The following REEP5 variants were observed in gnomAD, a reference collection of about 807,000 sequenced individuals.
REEP5 encodes receptor accessory protein 5.
Under a neutral mutation model 22.4 loss-of-function variants are expected in REEP5, and 24 were observed. The observed-to-expected ratio is 1.07, with a 90% CI of 0.78 to 1.51. REEP5 has a LOEUF of 1.51. REEP5 is among the 40% of genes most tolerant of loss of function. The pLI is 0.00. For synonymous variants in REEP5, 103 were observed against 88.6 expected (o/e 1.16, Z -0.92); for missense variants, 252 against 233.0 (o/e 1.08, Z -0.53).
At position 112,914,668 on chromosome 5, in the gene REEP5, C is replaced by G. The variant is rs145648615; in HGVS notation, c.212+6495G>C. Among the ~76,000 whole-genome samples, 1,133 of 152,242 alleles carry G rather than the reference C, an allele frequency of 7.4e-3. 12 individuals are homozygous for G. The highest frequency in any genetic ancestry group is 0.026 in the African/African-American group (1,063 of 41,530). On this transcript the variant is annotated intron_variant, in intron 2 of 4. Coordinates refer to ENST00000379638, the MANE Select transcript of REEP5 (RefSeq NM_005669.5). ...AGTTTAACTTAATCTCAAGTAACCTCACAACTTAGAAGGGGAACAACCTAA... is the reference window on the plus strand; with the variant it reads ...AGTTTAACTTAATCTCAAGTAACCTGACAACTTAGAAGGGGAACAACCTAA...
At position 112,876,928 on chromosome 5, in the gene REEP5, C is replaced by A. The variant is rs1767912582; in HGVS notation, c.*1858G>T. 1 of 152,068 alleles carries A rather than the reference C, an allele frequency of 6.6e-6. No homozygotes were observed. Among genetic ancestry groups the A allele is most frequent in the Non-Finnish European group, 1.5e-5 (1 of 68,006 alleles). 9.4% of individuals were successfully genotyped at this position (152,068 alleles called of 1,614,324 possible). On this transcript the variant is annotated 3_prime_UTR_variant, in exon 5 of 5. Coordinates refer to ENST00000379638, the MANE Select transcript of REEP5 (RefSeq NM_005669.5). ...TAACTTTTGTACCTCCTCATCTTGT[C>A]TGATAATATATTCTATATGCTGTCA... is the stretch of plus-strand genomic sequence containing the variant.
intron 3 of REEP5, chr5:112,896,186 G>C (rs1054199514): frequency 2.6e-5 from 4 of 152,634 alleles, no homozygotes; most frequent in African/African-American, 9.6e-5. Context: ...CGTGTTAAAG[G>C]AAAGATTTCC....
chr5:112,889,294 A>G (rs1768357569), intron 3 of REEP5, among the ~76,000 whole-genome samples: 1 of 150,980 alleles, frequency 6.6e-6, no homozygotes, highest in Non-Finnish European at 1.5e-5. Flanking sequence ...CCCCAAAACT[A>G]TAGCTGTATG....
chr5:112,883,868 C>T (rs900643046), intron 4 of REEP5, among the ~76,000 whole-genome samples: 1 of 152,276 alleles, frequency 6.6e-6, no homozygotes. Context: ...TCTGTTCAGG[C>T]TAAAAAGCTC....
intron 2 of REEP5, among the ~76,000 whole-genome samples, chr5:112,917,001 C>T (rs934886297): frequency 6.6e-6 from 1 of 152,210 alleles, no homozygotes; most frequent in Admixed American, 6.5e-5. Flanking sequence ...TGCAATATAA[C>T]TCTTTACACC....
At chr5:112,882,891 A>G (rs905491852) in intron 4 of REEP5, among the ~76,000 whole-genome samples, 7 of 152,188 alleles carry the variant, frequency 4.6e-5, no homozygotes, top group African/African-American at 1.4e-4. Flanking sequence ...AAACAATTAG[A>G]AAGTCACTTC....
intron 2 of REEP5, among the ~76,000 whole-genome samples, chr5:112,908,991 A>G (rs1003050184): frequency 3.3e-5 from 5 of 151,938 alleles, no homozygotes; most frequent in African/African-American, 1.2e-4. Context: ...AGAGCCACAC[A>G]GCCCATCACA....
intron 3 of REEP5, chr5:112,894,416 GC>G (rs1768615315): frequency 6.6e-6 from 1 of 152,080 alleles, no homozygotes; most frequent in Admixed American, 6.6e-5. Flanking sequence ...GCACCCTGCT[GC>G]CTTTTGGTTT....
chr5:112,901,658 G>C (rs999771615), intron 3 of REEP5, among the ~76,000 whole-genome samples: 4 of 151,740 alleles, frequency 2.6e-5, no homozygotes, highest in African/African-American at 9.7e-5. Flanking sequence ...GTTGCAGTGA[G>C]CGGAGATTGT....
chr5:112,914,679 A>T (rs153565), intron 2 of REEP5, among the ~76,000 whole-genome samples: 74,860 of 152,074 alleles, frequency 0.49, 21,693 homozygotes, highest in African/African-American at 0.82. Context: ...ACAACTTAGA[A>T]GGGGAACAAC....
At position 112,902,535 on chromosome 5, in the gene REEP5, A is replaced by C; in HGVS notation, c.213-17T>G. On this transcript the variant is annotated splice_polypyrimidine_tract_variant and intron_variant, in intron 2 of 4. Transcript: ENST00000379638. ...GCTTTAATTCTGAAAGGCAGTACAA[A>C]AGAAAGTATATCATTTGGTAAGATA... The C allele has an allele frequency of 6.4e-7, 1 of 1,561,020 alleles. No homozygotes were observed. The highest frequency in any genetic ancestry group is 8.6e-7 in the Non-Finnish European group (1 of 1,157,856).
intron 2 of REEP5, 56 bp downstream of exon 2, chr5:112,921,107 C>G: frequency 6.5e-7 from 1 of 1,541,570 alleles, no homozygotes; most frequent in East Asian, 2.3e-5. Context: ...ACTGCAGCAG[C>G]CCTGCGGGGA....
chr5:112,921,971 G>C, intron 1 of REEP5, 102 bp downstream of exon 1: 2 of 1,389,422 alleles, frequency 1.4e-6, no homozygotes, highest in African/African-American at 3.0e-5. Context: ...GTCTGTCTCC[G>C]ACTCCACCTT....
At chr5:112,917,732 A>G (rs1238194146) in intron 2 of REEP5, among the ~76,000 whole-genome samples, 1 of 152,196 alleles carries the variant, frequency 6.6e-6, no homozygotes, top group African/African-American at 2.4e-5. Context: ...TCCCATTAGA[A>G]GCAGGGCTGC....
At chr5:112,912,020 A>C (rs1769115431) in intron 2 of REEP5, among the ~76,000 whole-genome samples, 1 of 152,190 alleles carries the variant, frequency 6.6e-6, no homozygotes, top group Non-Finnish European at 1.5e-5. Flanking sequence ...TGATTAAGTC[A>C]ATTTTCCTCT....
chr5:112,881,254 A>C (rs1455301903), intron 4 of REEP5, among the ~76,000 whole-genome samples: 2 of 152,096 alleles, frequency 1.3e-5, no homozygotes, highest in African/African-American at 2.4e-5. Flanking sequence ...AGGAGTCCAG[A>C]GAAGAGAGGT....
chr5:112,910,644 T>C (rs1769082627), intron 2 of REEP5, among the ~76,000 whole-genome samples: 1 of 152,190 alleles, frequency 6.6e-6, no homozygotes, highest in African/African-American at 2.4e-5. Context: ...TGCAGCTCAA[T>C]CTCTCCATTG....
intron 2 of REEP5, among the ~76,000 whole-genome samples, chr5:112,911,994 T>A (rs1769114543): frequency 2.6e-5 from 4 of 152,322 alleles, no homozygotes; most frequent in African/African-American, 9.6e-5. Flanking sequence ...GACACAAAGT[T>A]AAAGAACTAT....
chr5:112,896,077 G>A (rs920461095), intron 3 of REEP5: 4 of 152,630 alleles, frequency 2.6e-5, no homozygotes, highest in African/African-American at 7.2e-5. Flanking sequence ...ATGCAGTTAC[G>A]GAACTGAGAG....
Sources: gnomAD v4.1 joint callset for allele counts (sites outside exome capture counted in the v4.1 genomes callset) on GRCh38, gnomAD v4.1.1 for gene constraint, MANE v1.5 for transcripts, NCBI Gene and HGNC (gene_info 2026-07-23, HGNC 2026-07-21) for gene names.